CACNA1G: variants seen among roughly 807,000 people sequenced by gnomAD.
CACNA1G encodes the protein voltage-dependent T-type calcium channel subunit alpha-1G.
CACNA1G carries 67 observed loss-of-function variants against 219.4 expected under a neutral mutation model. The observed-to-expected ratio is 0.31, with a 90% CI of 0.25 to 0.37. CACNA1G has a LOEUF of 0.37. Ranked by LOEUF, CACNA1G falls within the 10% of genes least tolerant of loss-of-function variation. The pLI is 1.00. For synonymous variants in CACNA1G, 1,296 were observed against 1,345.3 expected, an observed-to-expected ratio of 0.96 and a Z score of 0.80; for missense variants, 2,380 against 3,231.4, an observed-to-expected ratio of 0.74 and a Z score of 6.39.
At chr17:50,568,824 G>A (rs374180827) in intron 1 of CACNA1G, 46 bp from the exon 2 acceptor site, 29 of 1,514,892 alleles carry the variant, frequency 1.9e-5, no homozygotes, top group African/African-American at 2.7e-5. Context: ...TCGGGGGGCC[G>A]GCCTCAGCTC....
At chr17:50,606,471 A>G (rs1013693662) in intron 23 of CACNA1G, 1 of 585,244 alleles carries the variant, frequency 1.7e-6, no homozygotes, top group Non-Finnish European at 3.0e-6. Context: ...GGAGGTCACA[A>G]TAAGGATGCA....
intron 9 of CACNA1G, among the ~76,000 whole-genome samples, chr17:50,584,023 G>C (rs749336660): frequency 1.3e-5 from 2 of 152,188 alleles, no homozygotes; most frequent in Non-Finnish European, 2.9e-5. Context: ...GGAAGGGTGG[G>C]CAAGAATCCT....
In CACNA1G at chr17:50,572,680, C is replaced by A; in HGVS notation, c.873C>A (p.Asp291Glu). The A allele has an allele frequency of 6.2e-7, 1 of 1,612,212 alleles. No homozygotes were observed. Among genetic ancestry groups the A allele is most frequent in the Non-Finnish European group, 8.5e-7 (1 of 1,179,142 alleles). The part of the protein sequence containing the change: ...SCRSVPTLRG[D>E]GGGGPPCGLD... ...GAAGCGTGCCCACGCTGCGCGGGGA[C>A]GGGGGCGGTGGCCCACCTTGCGGTC... The change falls in exon 6 of 38, where the codon GAC (aspartate) becomes GAA (glutamate). Residue 291 changes from aspartate (D) to glutamate (E), a missense_variant. Physicochemically the swap from Asp to Glu is conservative, Grantham distance 45 (BLOSUM62 2). Around this residue, in one of 17 missense-constraint regions of CACNA1G, gnomAD observed 68 missense variants for 85.3 expected, o/e 0.80. Coordinates refer to ENST00000359106, the MANE Select transcript of CACNA1G (RefSeq NM_018896.5).
intron 9 of CACNA1G, among the ~76,000 whole-genome samples, chr17:50,582,894 G>A (rs1047728482): frequency 3.9e-5 from 6 of 152,048 alleles, no homozygotes; most frequent in African/African-American, 1.2e-4. Context: ...TCTGCTCATT[G>A]CTCACACTCT....
intron 9 of CACNA1G, among the ~76,000 whole-genome samples, chr17:50,589,912 C>CTCTCTCTCTCTCTCTG (rs1326523232): frequency 1.1e-4 from 15 of 141,924 alleles, no homozygotes; most frequent in African/African-American, 4.3e-4. Flanking sequence ...CTCTCTCTCT[C>CTCTCTCTCTCTCTCTG]TGTGTGTGTG....
Position 50,624,746 on chromosome 17 carries a change from G to A in CACNA1G, c.6399+217G>A, listed in dbSNP as rs901233693. 3.9e-5 allele frequency among the ~76,000 whole-genome samples: 6 copies of A among 152,236 alleles called. No individual in the cohort carries two copies. In the East Asian group the frequency reaches 1.2e-3, roughly 29 times the overall value. On this transcript the variant is annotated intron_variant, in intron 37 of 37. Transcript: ENST00000359106. ...ACCCAGTTCCTTGTTCCACTGAGGAGGCCTGGAGACCAGAAGGGGTAGTGC... is the reference window on the plus strand; with the variant it reads ...ACCCAGTTCCTTGTTCCACTGAGGAAGCCTGGAGACCAGAAGGGGTAGTGC...
chr17:50,589,737 C>T (rs1156831162), intron 9 of CACNA1G, among the ~76,000 whole-genome samples: 1 of 152,122 alleles, frequency 6.6e-6, no homozygotes, highest in East Asian at 1.9e-4. Flanking sequence ...TGCTGAAGGT[C>T]ACAGAGTGAG....
intron 26 of CACNA1G, among the ~76,000 whole-genome samples, chr17:50,612,151 C>G (rs984312052): frequency 6.6e-6 from 1 of 152,262 alleles, no homozygotes; most frequent in African/African-American, 2.4e-5. Context: ...CAGAGGTTCT[C>G]CTACAGCAGT....
intron 34 of CACNA1G, among the ~76,000 whole-genome samples, chr17:50,620,674 T>C (rs1036843186): frequency 1.3e-5 from 2 of 152,090 alleles, no homozygotes; most frequent in Non-Finnish European, 2.9e-5. Flanking sequence ...GAGGCCCTTT[T>C]GGGTGGTGGG....
rs2050637282 is a variant in CACNA1G, at chr17:50,616,506, C to T, written c.5021+122C>T. On this transcript the variant is annotated intron_variant, in intron 28 of 37. Transcript: ENST00000359106. ...TTCTTAATTCCTGAGGTTCAGCCCCCACCCTGTGGCTGACGTAGGGGACTA... is the reference window on the plus strand; with the variant it reads ...TTCTTAATTCCTGAGGTTCAGCCCCTACCCTGTGGCTGACGTAGGGGACTA... The T allele has an allele frequency of 3.7e-5, 22 of 595,668 alleles. No individual in the cohort carries two copies. The South Asian group carries it at 4.8e-4, about 13-fold the overall frequency. 36.9% of individuals were successfully genotyped at this position (595,668 alleles called of 1,614,324 possible). A position where few individuals can be genotyped will look rare whatever the true frequency, so the allele number is the denominator to read the frequency against.
Position 50,617,575 on chromosome 17 carries a change from G to A in CACNA1G, c.5155+4G>A, listed in dbSNP as rs748482921. The A allele has an allele frequency of 6.2e-7, 1 of 1,613,608 alleles. No individual in the cohort carries two copies. The highest frequency in any genetic ancestry group is 1.1e-5 in the South Asian group (1 of 91,034). On this transcript the variant is annotated splice_donor_region_variant and intron_variant, in intron 29 of 37. Transcript: ENST00000359106. This position sits in a 1 kb window ranked among gnomAD's most constrained non-coding sequence, Gnocchi z 5.8. Reference sequence around the variant, plus strand: ...AGGGTGCTGCGCATTGCCCGAGGTTGGTGCCCAGCCCACGCACCTGCCCTC... The same window carrying A: ...AGGGTGCTGCGCATTGCCCGAGGTTAGTGCCCAGCCCACGCACCTGCCCTC...
chr17:50,575,032 C>T (rs1341213600), intron 7 of CACNA1G, among the ~76,000 whole-genome samples: 2 of 152,190 alleles, frequency 1.3e-5, no homozygotes. Context: ...CAAAGTCACA[C>T]AGCTAGAATT....
chr17:50,615,260 A>T, intron 26 of CACNA1G, 101 bp from the exon 27 acceptor site: 1 of 1,141,640 alleles, frequency 8.8e-7, no homozygotes, highest in Non-Finnish European at 1.2e-6. Flanking sequence ...GGAATGTTTC[A>T]GTTCTGGCGT....
chr17:50,570,169 A>G (rs567594697), intron 4 of CACNA1G, among the ~76,000 whole-genome samples: 41 of 152,274 alleles, frequency 2.7e-4, no homozygotes, highest in Admixed American at 2.1e-3. Context: ...TAGCCAGAAC[A>G]GCCTCTCATG....
At chr17:50,604,681 C>G (rs1036222443) in intron 22 of CACNA1G, among the ~76,000 whole-genome samples, 1 of 152,224 alleles carries the variant, frequency 6.6e-6, no homozygotes, top group African/African-American at 2.4e-5. Context: ...AGGTTAGCAG[C>G]GTGCTGGCAG....
intron 26 of CACNA1G, 69 bp downstream of exon 26, chr17:50,610,004 G>C: frequency 2.7e-6 from 4 of 1,466,968 alleles, no homozygotes; most frequent in Non-Finnish European, 3.8e-6. Context: ...GTGGCTCATT[G>C]ATTCTATCCT....
In CACNA1G at chr17:50,572,551, C is replaced by T; in HGVS notation, c.747-3C>T. On this transcript the variant is annotated splice_polypyrimidine_tract_variant and splice_region_variant and intron_variant, in intron 5 of 37. Transcript: ENST00000359106. ...CACCCCTGTTCCCCTTCCCATCCTG[C>T]AGCCCCCTGAGCGTGGACCTGGAGC... 1 of 1,528,112 alleles carries T rather than the reference C, an allele frequency of 6.5e-7. No homozygotes were observed. 94.7% of individuals were successfully genotyped at this position (1,528,112 alleles called of 1,614,324 possible). A position where few individuals can be genotyped will look rare whatever the true frequency, so the allele number is the denominator to read the frequency against.
chr17:50,608,073 G>A (rs1457425608), intron 25 of CACNA1G, 54 bp downstream of exon 25: 2 of 1,523,078 alleles, frequency 1.3e-6, no homozygotes, highest in East Asian at 2.4e-5. Context: ...TCTGGGTCGT[G>A]CTTGACCTTG....
chr17:50,603,203 A>G lies in CACNA1G; in HGVS notation c.4169+4A>G, dbSNP rs1288537552. On this transcript the variant is annotated splice_donor_region_variant and intron_variant, in intron 21 of 37. Transcript: ENST00000359106. This position sits in a 1 kb window ranked among gnomAD's most constrained non-coding sequence, Gnocchi z 6.4. ...TGCGGACCCTGCGCCCGCTCAGGTGACTCCCTCCCCAGCACTGGAACACCT... is the reference window on the plus strand; with the variant it reads ...TGCGGACCCTGCGCCCGCTCAGGTGGCTCCCTCCCCAGCACTGGAACACCT... The G allele has an allele frequency of 6.3e-7, 1 of 1,598,778 alleles. No homozygotes were observed. The highest frequency in any genetic ancestry group is 8.5e-7 in the Non-Finnish European group (1 of 1,178,790).
Sources: allele counts gnomAD v4.1 joint callset (sites outside exome capture counted in the v4.1 genomes callset), GRCh38; gene constraint gnomAD v4.1.1; regional missense constraint gnomAD v4.1.1; non-coding constraint Gnocchi (gnomAD v3.1); transcripts MANE v1.5; gene names NCBI Gene and HGNC (gene_info 2026-07-23, HGNC 2026-07-21).